The following APOF variants were observed in gnomAD, a reference collection of about 807,000 sequenced individuals.
APOF encodes the protein lipid transfer inhibitor protein.
Under a neutral mutation model 2.4 loss-of-function variants are expected in APOF, and 2 were observed. That is an observed-to-expected ratio of 0.83 (90% CI 0.34 to 2.61). The LOEUF (loss-of-function observed/expected upper bound fraction) is 2.61. Among genes scored for constraint, APOF ranks in the 30% most tolerant of loss-of-function variants. APOF has a pLI of 0.11. For synonymous variants in APOF, 149 were observed against 155.6 expected, an observed-to-expected ratio of 0.96 and a Z score of 0.32; for missense variants, 370 against 388.7, an observed-to-expected ratio of 0.95 and a Z score of 0.40.
In APOF at chr12:56,361,085, T is replaced by C; in HGVS notation, c.*140A>G. The C allele has an allele frequency of 1.9e-6, 2 of 1,041,602 alleles. No individual in the cohort carries two copies. The allele number at this position is 1,041,602 out of a possible 1,614,324, so 64.5% of individuals were successfully genotyped here. ...AGCCTAGATTCGAAACCAAACCCTG[T>C]GACTTCAACACCCAAACATTTACGT... is the stretch of plus-strand genomic sequence containing the variant. On this transcript the variant is annotated 3_prime_UTR_variant, in exon 2 of 2. Transcript: ENST00000398189.
chr12:56,361,797 CTG>C lies in APOF; in HGVS notation c.407_408del (p.Thr136ArgfsTer36). Reference sequence around the variant, plus strand: ...AGGGCTTCCACTGACACGTTCCTCTCTGTGCTTCTGCCTTTCTGGAGCCCTCG... The same window carrying C: ...AGGGCTTCCACTGACACGTTCCTCTCTGCTTCTGCCTTTCTGGAGCCCTCG... ...HLRGLQKGRS[T>X]ERNVSVEALA... is the part of the protein sequence containing the mutation. On this transcript the variant is annotated frameshift_variant, in exon 2 of 2. Transcript: ENST00000398189. LOFTEE classifies it low-confidence loss of function (END_TRUNC). 6.2e-7 allele frequency: 1 copy of C among 1,612,402 alleles called. No homozygotes were observed. Among genetic ancestry groups the C allele is most frequent in the East Asian group, 2.2e-5 (1 of 44,822 alleles).
chr12:56,361,677 G>A lies in APOF; in HGVS notation c.529C>T (p.Gln177Ter). 6.2e-7 allele frequency: 1 copy of A among 1,611,596 alleles called. No individual in the cohort carries two copies. Among genetic ancestry groups the A allele is most frequent in the African/African-American group, 1.3e-5 (1 of 75,018 alleles). ...PTEDCENEKEQAVHNVVQLLP... is the reference protein window; with the variant it reads ...PTEDCENEKE ...AGCTGGACTACATTGTGCACAGCTT[G>A]CTCCTTCTCATTCTCACAGTCCTCT... is the stretch of plus-strand genomic sequence containing the variant. Residue 177 changes from glutamine (Q) to a stop codon, truncating the protein, a stop_gained, in exon 2 of 2, where the codon CAA (glutamine) becomes TAA (stop). Transcript: ENST00000398189. LOFTEE classifies it low-confidence loss of function (END_TRUNC).
intron 1 of APOF, 124 bp downstream of exon 1, chr12:56,362,606 C>G: frequency 1.0e-6 from 1 of 986,602 alleles, no homozygotes; most frequent in Admixed American, 2.3e-5. Flanking sequence ...AGCTTCTGTT[C>G]TTTTTAGGTA....
chr12:56,360,952 G>A lies in APOF; in HGVS notation c.*273C>T, dbSNP rs1880284214. The A allele has an allele frequency of 2.2e-6, 1 of 451,286 alleles. No homozygotes were observed. Among genetic ancestry groups the A allele is most frequent in the Non-Finnish European group, 4.0e-6 (1 of 253,116 alleles). 28.0% of individuals were successfully genotyped at this position (451,286 alleles called of 1,614,324 possible). On this transcript the variant is annotated 3_prime_UTR_variant, in exon 2 of 2. Coordinates refer to ENST00000398189, the MANE Select transcript of APOF (RefSeq NM_001638.4). The stretch of plus-strand genomic sequence containing the variant: ...CATTGTATCATTTTAAATTTACAGG[G>A]CAACTCATTGAGGTTAAAATCATTC...
Position 56,361,837 on chromosome 12 carries a change from G to A in APOF, c.369C>T (p.Leu123=). Residue 123 remains leucine (L), a synonymous_variant, in exon 2 of 2, where the codon CTC becomes CTT. Transcript: ENST00000398189. ...TCTGGAGCCCTCGAAGATGCTGGAT[G>A]AGGACCTGTGTAGCATTCACACCAC... The part of the protein sequence containing the change: ...RQGGVNATQV[L]IQHLRGLQKG... The A allele has an allele frequency of 6.2e-7, 1 of 1,613,540 alleles. No individual in the cohort carries two copies. The highest frequency in any genetic ancestry group is 8.5e-7 in the Non-Finnish European group (1 of 1,179,726).
Position 56,361,965 on chromosome 12 carries a change from G to A in APOF, c.241C>T (p.Pro81Ser). The change falls in exon 2 of 2, where the codon CCT (proline) becomes TCT (serine). Residue 81 changes from proline (P) to serine (S), a missense_variant. Transcript: ENST00000398189. ...AGGCTTACCAAGAACTTGGGTAGAGGGGCCATGTGGCTGAAACCAGGCAGT... is the reference window on the plus strand; with the variant it reads ...AGGCTTACCAAGAACTTGGGTAGAGAGGCCATGTGGCTGAAACCAGGCAGT... ...KSLPGFSHMAPLPKFLVSLAL... is the reference protein window; with the variant it reads ...KSLPGFSHMASLPKFLVSLAL... 1 of 1,613,976 alleles carries A rather than the reference G, an allele frequency of 6.2e-7. No homozygotes were observed. The highest frequency in any genetic ancestry group is 1.7e-5 in the Admixed American group (1 of 60,018).
rs1311518592 is a variant in APOF, at chr12:56,362,720, C to T, written c.16+10G>A. 7 of 1,613,732 alleles carry T rather than the reference C, an allele frequency of 4.3e-6. No individual in the cohort carries two copies. The highest frequency in any genetic ancestry group is 1.3e-5 in the African/African-American group (1 of 74,904). ...TTTATTTCCACCCATATATAGGGAC[C>T]CCAAATTACCACACAGTCCAGTCAT... On this transcript the variant is annotated intron_variant, in intron 1 of 1. Transcript: ENST00000398189.
At chr12:56,362,319 G>A in intron 1 of APOF, 130 bp from the exon 2 acceptor site, 1 of 1,131,676 alleles carries the variant, frequency 8.8e-7, no homozygotes, top group Non-Finnish European at 1.2e-6. Flanking sequence ...TTAGAGACAG[G>A]GTCTTGCTCT....
rs756311933 is a variant in APOF, at chr12:56,361,733, C to T, written c.473G>A (p.Ser158Asn). 1.2e-6 allele frequency: 2 copies of T among 1,609,230 alleles called. No homozygotes were observed. The highest frequency in any genetic ancestry group is 1.7e-6 in the Non-Finnish European group (2 of 1,177,786). ...GAGGGAGCGCCCGACCCTTCCTGTGCTTTGCTGCTCCCTGGCTAACAGCTG... is the reference window on the plus strand; with the variant it reads ...GAGGGAGCGCCCGACCCTTCCTGTGTTTTGCTGCTCCCTGGCTAACAGCTG... ...ALQLLAREQQ[S>N]TGRVGRSLPT... The change falls in exon 2 of 2, where the codon AGC (serine) becomes AAC (asparagine). Residue 158 changes from serine to asparagine, a missense_variant. Ser to Asn is a conservative substitution (Grantham distance 46, BLOSUM62 1). Transcript: ENST00000398189.
At position 56,360,885 on chromosome 12, in the gene APOF, A is replaced by C; in HGVS notation, c.*340T>G. 1.9e-5 allele frequency: 5 copies of C among 267,282 alleles called. No homozygotes were observed. The highest frequency in any genetic ancestry group is 9.6e-5 in the East Asian group (1 of 10,374). The allele number at this position is 267,282 out of a possible 1,614,324, so 16.6% of individuals were successfully genotyped here. ...CAGGCGTGAGCCACCGCACCTGGCT[A>C]ATAGCTATTTATTGAAAGTACTGTG... On this transcript the variant is annotated 3_prime_UTR_variant, in exon 2 of 2. Coordinates refer to ENST00000398189, the MANE Select transcript of APOF (RefSeq NM_001638.4).
At chr12:56,362,517 C>T (rs1044337191) in intron 1 of APOF, among the ~76,000 whole-genome samples, 1 of 152,144 alleles carries the variant, frequency 6.6e-6, no homozygotes, top group African/African-American at 2.4e-5. Context: ...TAGTTCTGAA[C>T]TTTGGGCTCA....
In APOF at chr12:56,362,137, C is replaced by T. The variant is rs757058053; in HGVS notation, c.69G>A (p.Glu23=). ...RGLRLIMIPV[E]LLLCYLLLHP... Reference sequence around the variant, plus strand: ...GCAGCAGGAGGTAGCAAAGTAGCAGCTCAACTGGTATCATGATGAGTCTGA... The same window carrying T: ...GCAGCAGGAGGTAGCAAAGTAGCAGTTCAACTGGTATCATGATGAGTCTGA... Residue 23 remains glutamate, a synonymous_variant, in exon 2 of 2, where the codon GAG becomes GAA. Coordinates refer to ENST00000398189, the MANE Select transcript of APOF (RefSeq NM_001638.4). 1 of 1,613,832 alleles carries T rather than the reference C, an allele frequency of 6.2e-7. No individual in the cohort carries two copies.
chr12:56,361,117 G>GT lies in APOF; in HGVS notation c.*107dup. On this transcript the variant is annotated 3_prime_UTR_variant, in exon 2 of 2. Coordinates refer to ENST00000398189, the MANE Select transcript of APOF (RefSeq NM_001638.4). ...AACACCCAAACATTTACGTTCTTACGTTTTACTGTACAGCCTTCCTCCTGG... is the reference window on the plus strand; with the variant it reads ...AACACCCAAACATTTACGTTCTTACGTTTTTACTGTACAGCCTTCCTCCTGG... 1.5e-6 allele frequency: 2 copies of GT among 1,340,264 alleles called. No homozygotes were observed. The highest frequency in any genetic ancestry group is 2.0e-6 in the Non-Finnish European group (2 of 994,894). 83.0% of individuals were successfully genotyped at this position (1,340,264 alleles called of 1,614,324 possible).
At position 56,362,185 on chromosome 12, in the gene APOF, G is replaced by A. The variant is rs773917170; in HGVS notation, c.21C>T (p.Tyr7=). The A allele has an allele frequency of 3.7e-6, 6 of 1,611,398 alleles. No individual in the cohort carries two copies. The East Asian group carries it at 1.3e-4, about 36-fold the overall frequency. Residue 7 remains tyrosine, a synonymous_variant, in exon 2 of 2, where the codon TAC becomes TAT. Coordinates refer to ENST00000398189, the MANE Select transcript of APOF (RefSeq NM_001638.4). ...TGAGGCCACGCATGTCTGGAGCAGA[G>A]TACCCTAGAAAGGGGAGAAATCCGA... MTGLCG[Y]SAPDMRGLRL...
At chr12:56,362,256 A>C in intron 1 of APOF, 67 bp from the exon 2 acceptor site, 1 of 1,541,206 alleles carries the variant, frequency 6.5e-7, no homozygotes, top group Non-Finnish European at 8.7e-7. Context: ...CCCAAGACTC[A>C]GTTAGGGGGA....
At position 56,362,800 on chromosome 12, in the gene APOF, A is replaced by G; in HGVS notation, c.-55T>C. 1.2e-6 allele frequency: 2 copies of G among 1,603,190 alleles called. No homozygotes were observed. The highest frequency in any genetic ancestry group is 8.5e-7 in the Non-Finnish European group (1 of 1,170,898). On this transcript the variant is annotated 5_prime_UTR_variant, in exon 1 of 2. Transcript: ENST00000398189. ...ATCGCTTCCTGATCCTGTTCTGCCT[A>G]GTTCTGTGTCCCATGAGGAAAGGAG...
chr12:56,362,709 T>C, intron 1 of APOF, 21 bp downstream of exon 1: 1 of 1,613,638 alleles, frequency 6.2e-7, no homozygotes, highest in Non-Finnish European at 8.5e-7. Context: ...TTTCCACCCA[T>C]ATATAGGGAC....
At position 56,361,329 on chromosome 12, in the gene APOF, G is replaced by T. The variant is rs1880320984; in HGVS notation, c.877C>A (p.Leu293Met). Residue 293 changes from leucine to methionine, a missense_variant, in exon 2 of 2, where the codon CTG becomes ATG. Coordinates refer to ENST00000398189, the MANE Select transcript of APOF (RefSeq NM_001638.4). ...ACTACTTCTGATATGAAAGAAGCCAGAGTAGTTGTTTCTTCCAAGTCACTC... is the reference window on the plus strand; with the variant it reads ...ACTACTTCTGATATGAAAGAAGCCATAGTAGTTGTTTCTTCCAAGTCACTC... Reference protein sequence around the residue: ...DVSDLEETTTLASFISEVVSS... With the variant: ...DVSDLEETTTMASFISEVVSS... The T allele has an allele frequency of 1.2e-6, 2 of 1,613,934 alleles. No homozygotes were observed. The highest frequency in any genetic ancestry group is 2.7e-5 in the African/African-American group (2 of 74,930).
chr12:56,362,564 C>T (rs563598254), intron 1 of APOF, among the ~76,000 whole-genome samples, 166 bp downstream of exon 1: 1 of 152,272 alleles, frequency 6.6e-6, no homozygotes, highest in African/African-American at 2.4e-5. Flanking sequence ...AAGTGATAGG[C>T]TTCCAGATGT....
Sources: allele counts gnomAD v4.1 joint callset (sites outside exome capture counted in the v4.1 genomes callset), GRCh38; gene constraint gnomAD v4.1.1; transcripts MANE v1.5; gene names NCBI Gene and HGNC (gene_info 2026-07-23, HGNC 2026-07-21).